The following AFG2A variants were observed in gnomAD, a reference collection of about 807,000 sequenced individuals.
The protein encoded by AFG2A is ATPase family gene 2 protein homolog A.
At chr4:122,954,531 G>C in the AFG2A span, among the ~76,000 whole-genome samples, 2 of 152,170 alleles carry the variant, frequency 1.3e-5, no homozygotes, top group Admixed American at 1.3e-4. Context: ...CCTGGACTTA[G>C]GAAGATTTAG....
chr4:123,242,216 A>T, the AFG2A span, among the ~76,000 whole-genome samples: 10 of 152,328 alleles, frequency 6.6e-5, no homozygotes, highest in African/African-American at 2.4e-4. Flanking sequence ...TGCTATCTCC[A>T]TCAAGCTACC....
the AFG2A span, among the ~76,000 whole-genome samples, chr4:122,967,316 C>T: frequency 6.6e-6 from 1 of 151,856 alleles, no homozygotes. Flanking sequence ...GGGAGGATTG[C>T]TTGAGTCTAG....
the AFG2A span, among the ~76,000 whole-genome samples, chr4:123,126,169 T>G: frequency 6.6e-6 from 1 of 152,240 alleles, no homozygotes; most frequent in Non-Finnish European, 1.5e-5. Flanking sequence ...CTGGTAGTCA[T>G]GTGATATGCA....
At chr4:123,041,348 C>T in the AFG2A span, among the ~76,000 whole-genome samples, 14 of 148,302 alleles carry the variant, frequency 9.4e-5, no homozygotes, top group African/African-American at 3.2e-4. Context: ...GTCTCGATCT[C>T]CTGACCTCAT....
the AFG2A span, among the ~76,000 whole-genome samples, chr4:123,255,688 G>A: frequency 2.7e-5 from 4 of 148,870 alleles, no homozygotes; most frequent in Non-Finnish European, 3.0e-5. Flanking sequence ...TGCTGAGAAG[G>A]GCAAACCTCC....
chr4:122,931,073 C>T, the AFG2A span, among the ~76,000 whole-genome samples: 1 of 152,162 alleles, frequency 6.6e-6, no homozygotes, highest in Admixed American at 6.5e-5. Context: ...TGTTAGAGCT[C>T]CTTCTAGTGG....
chr4:123,021,912 A>G, the AFG2A span, among the ~76,000 whole-genome samples: 1 of 151,926 alleles, frequency 6.6e-6, no homozygotes, highest in Non-Finnish European at 1.5e-5. Flanking sequence ...TCTTTGACAA[A>G]CCTGAGAAAA....
the AFG2A span, among the ~76,000 whole-genome samples, chr4:123,250,203 T>G: frequency 2.6e-5 from 4 of 152,178 alleles, no homozygotes; most frequent in Admixed American, 1.3e-4. Context: ...CTATAAGTGT[T>G]GAATTTCAGA....
At chr4:123,275,378 T>A in the AFG2A span, among the ~76,000 whole-genome samples, 21 of 152,184 alleles carry the variant, frequency 1.4e-4, no homozygotes, top group Admixed American at 1.3e-4. Flanking sequence ...AATTTTTTTA[T>A]GACTTTGGTC....
the AFG2A span, among the ~76,000 whole-genome samples, chr4:123,021,116 C>T: frequency 6.6e-6 from 1 of 151,914 alleles, no homozygotes; most frequent in Non-Finnish European, 1.5e-5. Flanking sequence ...GCTTTTTACC[C>T]CCATAGTTTG....
At chr4:123,304,928 G>A in the AFG2A span, among the ~76,000 whole-genome samples, 4 of 152,178 alleles carry the variant, frequency 2.6e-5, no homozygotes, top group African/African-American at 9.6e-5. Flanking sequence ...ACTCACACAA[G>A]AAATTGCTGC....
At chr4:122,994,146 C>T in the AFG2A span, among the ~76,000 whole-genome samples, 1 of 152,094 alleles carries the variant, frequency 6.6e-6, no homozygotes. Context: ...CATGAAGCAC[C>T]TTTAGATTTT....
chr4:123,025,826 G>T, the AFG2A span, among the ~76,000 whole-genome samples: 800 of 152,244 alleles, frequency 5.3e-3, 7 homozygotes, highest in African/African-American at 0.018. Context: ...ATAATACCAA[G>T]AATGTGCTGC....
At chr4:122,931,464 C>T in the AFG2A span, among the ~76,000 whole-genome samples, 17 of 151,994 alleles carry the variant, frequency 1.1e-4, no homozygotes. Flanking sequence ...TGTGTATATA[C>T]ATACATGCAA....
the AFG2A span, among the ~76,000 whole-genome samples, chr4:123,253,649 C>CA: frequency 3.3e-5 from 5 of 152,056 alleles, no homozygotes; most frequent in Middle Eastern, 3.4e-3. Context: ...GACTCTGTCT[C>CA]AAAAAAATAA....
chr4:123,117,080 C>T, the AFG2A span, among the ~76,000 whole-genome samples: 1 of 152,124 alleles, frequency 6.6e-6, no homozygotes, highest in Non-Finnish European at 1.5e-5. Context: ...GTTAACACAT[C>T]TGAAAAGTAA....
At chr4:122,944,181 C>G in the AFG2A span, among the ~76,000 whole-genome samples, 1 of 152,160 alleles carries the variant, frequency 6.6e-6, no homozygotes, top group Non-Finnish European at 1.5e-5. Context: ...GAATGTTGGC[C>G]TGCCTCGCTA....
chr4:123,114,453 C>T, the AFG2A span, among the ~76,000 whole-genome samples: 1 of 152,338 alleles, frequency 6.6e-6, no homozygotes, highest in South Asian at 2.1e-4. Context: ...TCCATCTTGG[C>T]CTCCCTCTCC....
the AFG2A span, among the ~76,000 whole-genome samples, chr4:123,229,633 A>G: frequency 6.6e-6 from 1 of 152,032 alleles, no homozygotes; most frequent in Non-Finnish European, 1.5e-5. Context: ...GCAATTTTGG[A>G]TGTAGGAAAG....
Sources: gnomAD v4.1 joint callset for allele counts (sites outside exome capture counted in the v4.1 genomes callset) on GRCh38, gnomAD v4.1.1 for gene constraint, MANE v1.5 for transcripts, NCBI Gene and HGNC (gene_info 2026-07-23, HGNC 2026-07-21) for gene names.